ZPBP: variants seen among roughly 807,000 people sequenced by gnomAD.
ZPBP encodes zona pellucida binding protein.
ZPBP carries 26 observed loss-of-function variants against 44.8 expected under a neutral mutation model. The observed-to-expected ratio is 0.58, with a 90% confidence interval of 0.43 to 0.81. The LOEUF is 0.81. Among genes scored for constraint, ZPBP ranks in the 30% least tolerant of loss-of-function variants. The probability of loss-of-function intolerance (pLI) is 0.00; values close to 1 mark genes in which losing one functional copy is unlikely to be tolerated. For synonymous variants in ZPBP, 174 were observed against 153.2 expected (o/e 1.14, Z -1.00); for missense variants, 409 against 434.0 (o/e 0.94, Z 0.51).
At position 49,999,797 on chromosome 7, in the gene ZPBP, A is replaced by G. The variant is rs868638377; in HGVS notation, c.784-16278T>C. Among the ~76,000 whole-genome samples, 10 of 152,280 alleles carry G rather than the reference A, an allele frequency of 6.6e-5. 1 individual carries two copies. Among genetic ancestry groups the G allele is most frequent in the Middle Eastern group, 6.8e-3 (2 of 294 alleles). Reference sequence around the variant, plus strand: ...AATCTTTACTCAGTCGAACAATTCAAATGGTAATCACTTCCAGAAACACCC... The same window carrying G: ...AATCTTTACTCAGTCGAACAATTCAGATGGTAATCACTTCCAGAAACACCC... On this transcript the variant is annotated intron_variant, in intron 6 of 7. Coordinates refer to ENST00000046087, the MANE Select transcript of ZPBP (RefSeq NM_007009.3).
chr7:49,934,472 C>T (rs1430203772), downstream of ZPBP, among the ~76,000 whole-genome samples: 4 of 151,720 alleles, frequency 2.6e-5, no homozygotes, highest in Admixed American at 6.6e-5. Flanking sequence ...CACACATGAT[C>T]CCATTACATG....
At chr7:49,987,849 A>G (rs184046629) in intron 6 of ZPBP, among the ~76,000 whole-genome samples, 4 of 152,238 alleles carry the variant, frequency 2.6e-5, no homozygotes, top group Admixed American at 1.3e-4. Flanking sequence ...TAAAAGGAAA[A>G]TAAAAGCTGT....
rs201230269 is a variant in ZPBP, at chr7:50,018,326, T to C, written c.707-10A>G. 15 of 1,577,808 alleles carry C rather than the reference T, an allele frequency of 9.5e-6. No individual in the cohort carries two copies. The highest frequency in any genetic ancestry group is 1.4e-5 in the African/African-American group (1 of 73,956). Reference sequence around the variant, plus strand: ...GTGTCTAGAGATGAAACTGAGAAAATATATTATATTTTATCATGGGTATAA... The same window carrying C: ...GTGTCTAGAGATGAAACTGAGAAAACATATTATATTTTATCATGGGTATAA... On this transcript the variant is annotated splice_polypyrimidine_tract_variant and intron_variant, in intron 5 of 7. Coordinates refer to ENST00000046087, the MANE Select transcript of ZPBP (RefSeq NM_007009.3).
intron 2 of ZPBP, among the ~76,000 whole-genome samples, chr7:49,864,804 C>T (rs1453342798): frequency 6.6e-6 from 1 of 152,212 alleles, no homozygotes; most frequent in Admixed American, 6.5e-5. Context: ...TGCTGCTGAG[C>T]AGGGGAGGGT....
chr7:50,080,326 A>G (rs1270022988), intron 3 of ZPBP, among the ~76,000 whole-genome samples: 2 of 151,738 alleles, frequency 1.3e-5, no homozygotes, highest in African/African-American at 4.8e-5. Flanking sequence ...TTCCCTGAGA[A>G]CAGTTTTTAT....
chr7:49,953,598 C>A (rs539881476), intron 7 of ZPBP, among the ~76,000 whole-genome samples: 1 of 152,116 alleles, frequency 6.6e-6, no homozygotes, highest in African/African-American at 2.4e-5. Flanking sequence ...CTTGTGAAAA[C>A]AAAGACTCAG....
At chr7:50,056,541 T>C (rs1376783945) in intron 4 of ZPBP, 1 of 152,222 alleles carries the variant, frequency 6.6e-6, no homozygotes, top group Non-Finnish European at 1.5e-5. Context: ...CACTTACATG[T>C]TCTGGATATG....
intron 2 of ZPBP, among the ~76,000 whole-genome samples, chr7:49,887,510 G>T (rs534736830): frequency 2.3e-4 from 29 of 124,206 alleles, no homozygotes; most frequent in African/African-American, 9.1e-4. Context: ...TGTAATTGTG[G>T]GGTATTAGAT....
chr7:49,867,843 T>C (rs1562741268), intron 2 of ZPBP, among the ~76,000 whole-genome samples: 2 of 141,280 alleles, frequency 1.4e-5, no homozygotes, highest in African/African-American at 4.9e-5. Context: ...TTATTTTATT[T>C]TATTTTTTGA....
intron 3 of ZPBP, among the ~76,000 whole-genome samples, chr7:50,074,007 A>G (rs906305258): frequency 6.6e-6 from 1 of 152,138 alleles, no homozygotes; most frequent in African/African-American, 2.4e-5. Context: ...ACAGAATATT[A>G]CAACACTGTA....
chr7:49,926,320 C>A (rs1794232135), intron 1 of ZPBP, among the ~76,000 whole-genome samples: 1 of 152,218 alleles, frequency 6.6e-6, no homozygotes, highest in African/African-American at 2.4e-5. Context: ...ATTCCCAATT[C>A]CATCAGCTTC....
In ZPBP at chr7:49,994,297, C is replaced by T. The variant is rs189966660; in HGVS notation, c.784-10778G>A. ...ATATTGTTGAGAACCATCTGTAAAC[C>T]AGGCCTGAGCTCTTCTTCTGTCAAC... is the stretch of plus-strand genomic sequence containing the variant. On this transcript the variant is annotated intron_variant, in intron 6 of 7. Coordinates refer to ENST00000046087, the MANE Select transcript of ZPBP (RefSeq NM_007009.3). Among the ~76,000 whole-genome samples the T allele has an allele frequency of 1.3e-4, 20 of 152,274 alleles. No homozygotes were observed. The East Asian group carries it at 3.9e-3, about 29-fold the overall frequency.
intron 7 of ZPBP, among the ~76,000 whole-genome samples, chr7:49,965,585 G>C (rs1333823189): frequency 1.3e-5 from 2 of 152,044 alleles, no homozygotes; most frequent in African/African-American, 4.8e-5. Flanking sequence ...AAGTCTACTG[G>C]AAATGGTAGT....
chr7:50,061,417 A>G (rs146210849), intron 3 of ZPBP, among the ~76,000 whole-genome samples: 189 of 152,248 alleles, frequency 1.2e-3, no homozygotes, highest in African/African-American at 4.3e-3. Flanking sequence ...AAACCCCATC[A>G]TGGCCTGGTG....
chr7:50,066,000 G>A (rs1026943312), intron 3 of ZPBP, among the ~76,000 whole-genome samples: 1 of 151,110 alleles, frequency 6.6e-6, no homozygotes, highest in Non-Finnish European at 1.5e-5. Flanking sequence ...ACTTAGTAGA[G>A]CAGTCTTTCC....
chr7:49,896,528 A>G (rs952754433), intron 2 of ZPBP, among the ~76,000 whole-genome samples: 6 of 152,228 alleles, frequency 3.9e-5, no homozygotes, highest in African/African-American at 1.4e-4. Flanking sequence ...GAAAGAAAAA[A>G]TAGTAAAGAT....
At chr7:50,033,963 G>A (rs1274589447) in intron 4 of ZPBP, among the ~76,000 whole-genome samples, 5 of 152,088 alleles carry the variant, frequency 3.3e-5, no homozygotes, top group Non-Finnish European at 1.5e-5. Context: ...AAAGTGCTGG[G>A]ATTACAGGTG....
chr7:49,993,070 T>C (rs1051991361), intron 6 of ZPBP, among the ~76,000 whole-genome samples: 1 of 152,140 alleles, frequency 6.6e-6, no homozygotes, highest in Non-Finnish European at 1.5e-5. Flanking sequence ...TCAGGACTGC[T>C]GCCTGGTACA....
At chr7:49,846,832 C>G (rs1381767622), downstream of ZPBP, among the ~76,000 whole-genome samples, 1 of 152,154 alleles carries the variant, frequency 6.6e-6, no homozygotes, top group Non-Finnish European at 1.5e-5. Context: ...CATTTGACAG[C>G]CAGAGAAGTA....
Sources: allele counts gnomAD v4.1 joint callset (sites outside exome capture counted in the v4.1 genomes callset), GRCh38; gene constraint gnomAD v4.1.1; transcripts MANE v1.5; gene names NCBI Gene and HGNC (gene_info 2026-07-23, HGNC 2026-07-21).